The following FERMT2 variants were observed in gnomAD, a reference collection of about 807,000 sequenced individuals.
The protein encoded by FERMT2 is FERM domain containing kindlin 2, also known as fermitin family homolog 2.
A neutral mutation model predicts 82.7 loss-of-function variants in FERMT2; 15 were observed. The ratio of observed to expected loss-of-function variants is 0.18; its 90% confidence interval spans 0.12 to 0.28. The LOEUF is 0.28. Among genes scored for constraint, FERMT2 ranks in the 10% least tolerant of loss-of-function variants. The pLI is 1.00. For missense variants in FERMT2, 645 were observed against 809.4 expected (o/e 0.80, Z 2.46); for synonymous variants, 274 against 271.5 (o/e 1.01, Z -0.09).
In FERMT2 at chr14:52,893,424, A is replaced by ATATCTGTTAATAAAATAGATTGT; in HGVS notation, c.392-20_394dup (p.Ile132AsnfsTer6). On this transcript the variant is annotated stop_gained and frameshift_variant, in exon 4 of 15. Coordinates refer to ENST00000341590, the MANE Select transcript of FERMT2 (RefSeq NM_006832.3). LOFTEE classifies it high-confidence loss of function. ...GAGAGAAAGTTCTTCGGGGTGTCTG[A>ATATCTGTTAATAAAATAGATTGT]TATCTGTTAATAAAATAGATTGTTT... The ATATCTGTTAATAAAATAGATTGT allele has an allele frequency of 6.3e-7, 1 of 1,586,422 alleles. No homozygotes were observed. The highest frequency in any genetic ancestry group is 8.6e-7 in the Non-Finnish European group (1 of 1,169,034).
chr14:52,950,352 T>C lies in FERMT2; in HGVS notation c.157+60A>G, dbSNP rs1595035796. The C allele has an allele frequency of 3.9e-6, 6 of 1,556,210 alleles. No homozygotes were observed. The East Asian group carries it at 1.2e-4, about 30-fold the overall frequency. ...GGGCCCCTCCCCCGTCGTGAGCCTC[T>C]TTCCTCCCCCTACCAATTCTGGGAA... On this transcript the variant is annotated intron_variant, in intron 2 of 14. Transcript: ENST00000341590.
intron 2 of FERMT2, among the ~76,000 whole-genome samples, chr14:52,941,778 T>C (rs1313165598): frequency 1.3e-5 from 2 of 152,234 alleles, no homozygotes; most frequent in Non-Finnish European, 2.9e-5. Context: ...GCCTTTGCTA[T>C]AAATGAACTA....
chr14:52,861,205 GAATGAAA>G (rs1311697970), intron 12 of FERMT2: 1 of 563,228 alleles, frequency 1.8e-6, no homozygotes, highest in African/African-American at 2.0e-5. Flanking sequence ...GTAAATGCAA[GAATGAAA>G]AATGAAAATG....
At chr14:52,907,927 T>G (rs1339892126) in intron 3 of FERMT2, among the ~76,000 whole-genome samples, 1 of 152,220 alleles carries the variant, frequency 6.6e-6, no homozygotes, top group Non-Finnish European at 1.5e-5. Context: ...AGCCACAGAT[T>G]GTGAGAAAAT....
intron 3 of FERMT2, among the ~76,000 whole-genome samples, chr14:52,916,667 T>C (rs1888632825): frequency 1.3e-5 from 2 of 152,170 alleles, no homozygotes; most frequent in African/African-American, 2.4e-5. Flanking sequence ...AAGTGAACCC[T>C]AACATAAACT....
intron 3 of FERMT2, among the ~76,000 whole-genome samples, chr14:52,896,999 AACACAC>A (rs57945447): frequency 0.18 from 24,518 of 136,906 alleles, 2,311 homozygotes; most frequent in Middle Eastern, 0.27. Flanking sequence ...AAACAAATAA[AACACAC>A]ACACACACAC....
intron 3 of FERMT2, among the ~76,000 whole-genome samples, chr14:52,896,495 C>G (rs545817859): frequency 6.6e-6 from 1 of 152,258 alleles, no homozygotes; most frequent in East Asian, 1.9e-4. Flanking sequence ...AAGCACACAG[C>G]CAAACTACCT....
chr14:52,939,243 C>T (rs1394770978), intron 2 of FERMT2, among the ~76,000 whole-genome samples: 2 of 147,922 alleles, frequency 1.4e-5, no homozygotes, highest in African/African-American at 2.5e-5. Context: ...CATGGTGGTG[C>T]GTGCCTGTAA....
At chr14:52,939,193 A>T (rs1889980903) in intron 2 of FERMT2, among the ~76,000 whole-genome samples, 1 of 33,790 alleles carries the variant, frequency 3.0e-5, no homozygotes, top group Non-Finnish European at 6.5e-5. Flanking sequence ...CATCTCTACT[A>T]AAAAAAAAAA....
At chr14:52,950,661 G>A (rs753430104) in intron 1 of FERMT2, 84 bp from the exon 2 acceptor site, 3 of 1,415,502 alleles carry the variant, frequency 2.1e-6, no homozygotes, top group South Asian at 2.5e-5. Flanking sequence ...CGCCGGCCAC[G>A]GGCTGGGAGG....
intron 4 of FERMT2, among the ~76,000 whole-genome samples, chr14:52,892,172 T>G (rs1315367918): frequency 5.1e-3 from 73 of 14,376 alleles, no homozygotes; most frequent in Admixed American, 6.6e-3. Flanking sequence ...TTTTGTTTTT[T>G]TTTTTTTTTT....
At chr14:52,924,652 T>A (rs531831687) in intron 2 of FERMT2, among the ~76,000 whole-genome samples, 10 of 152,238 alleles carry the variant, frequency 6.6e-5, no homozygotes, top group Admixed American at 5.9e-4. Context: ...TCAGTTATAA[T>A]GGTTGGGAGG....
At chr14:52,907,650 T>C (rs967768607) in intron 3 of FERMT2, among the ~76,000 whole-genome samples, 3 of 152,082 alleles carry the variant, frequency 2.0e-5, no homozygotes, top group Non-Finnish European at 4.4e-5. Flanking sequence ...TATTTGAAGG[T>C]AGGCTGAATA....
intron 10 of FERMT2, among the ~76,000 whole-genome samples, chr14:52,867,475 T>A (rs1231213846): frequency 1.3e-5 from 2 of 152,076 alleles, no homozygotes; most frequent in African/African-American, 2.4e-5. Flanking sequence ...CTATGCATTT[T>A]TTTTTTGTTT....
chr14:52,926,934 A>G (rs909699923), intron 2 of FERMT2, among the ~76,000 whole-genome samples: 1 of 152,210 alleles, frequency 6.6e-6, no homozygotes, highest in Non-Finnish European at 1.5e-5. Context: ...AGCATTCTGG[A>G]AAGAATTATT....
At chr14:52,904,845 G>A (rs1887902717) in intron 3 of FERMT2, among the ~76,000 whole-genome samples, 1 of 150,418 alleles carries the variant, frequency 6.6e-6, no homozygotes, top group Non-Finnish European at 1.5e-5. Flanking sequence ...CTTTCTTAAT[G>A]TAAACAATGA....
At position 52,878,700 on chromosome 14, in the gene FERMT2, A is replaced by G. The variant is rs1310157081; in HGVS notation, c.856-11T>C. The stretch of plus-strand genomic sequence containing the variant: ...TCTGATTGCATCATACTGCAACAAG[A>G]GAAATAGTTCTTTTGTAATATATAA... On this transcript the variant is annotated splice_polypyrimidine_tract_variant and intron_variant, in intron 6 of 14. Transcript: ENST00000341590. The G allele has an allele frequency of 2.1e-6, 3 of 1,402,200 alleles. No individual in the cohort carries two copies. In the African/African-American group the frequency reaches 4.2e-5, roughly 20 times the overall value. 86.9% of individuals were successfully genotyped at this position (1,402,200 alleles called of 1,614,324 possible). A position where few individuals can be genotyped will look rare whatever the true frequency, so the allele number is the denominator to read the frequency against.
chr14:52,937,466 C>A lies in FERMT2; in HGVS notation c.157+12946G>T, dbSNP rs566759500. 5.9e-5 allele frequency among the ~76,000 whole-genome samples: 9 copies of A among 152,274 alleles called. No homozygotes were observed. In the South Asian group the frequency reaches 1.9e-3, roughly 32 times the overall value. On this transcript the variant is annotated intron_variant, in intron 2 of 14. Coordinates refer to ENST00000341590, the MANE Select transcript of FERMT2 (RefSeq NM_006832.3). ...GAATGCCTTTCTTCCTAACTTTCCACCCTGTCTCTCTTTAAATAAGGCCAG... is the reference window on the plus strand; with the variant it reads ...GAATGCCTTTCTTCCTAACTTTCCAACCTGTCTCTCTTTAAATAAGGCCAG...
At chr14:52,879,958 A>T (rs1886194557) in intron 6 of FERMT2, among the ~76,000 whole-genome samples, 1 of 152,212 alleles carries the variant, frequency 6.6e-6, no homozygotes, top group Non-Finnish European at 1.5e-5. Flanking sequence ...GAGGAAAAAA[A>T]TGTAGACCTA....
Sources: allele counts gnomAD v4.1 joint callset (sites outside exome capture counted in the v4.1 genomes callset), GRCh38; gene constraint gnomAD v4.1.1; transcripts MANE v1.5; gene names NCBI Gene and HGNC (gene_info 2026-07-23, HGNC 2026-07-21).